Variants in SLC25A37 observed in about 807,000 individuals in gnomAD.
SLC25A37 encodes the protein solute carrier family 25 member 37.
A neutral mutation model predicts 31.0 loss-of-function variants in SLC25A37; 17 were observed. The observed-to-expected ratio is 0.55, with a 90% CI of 0.38 to 0.82. The LOEUF is 0.82. SLC25A37 is among the 40% of genes least tolerant of loss of function. SLC25A37 has a pLI of 0.00. For synonymous variants in SLC25A37, 222 were observed against 193.0 expected (o/e 1.15, Z -1.24); for missense variants, 404 against 465.8 (o/e 0.87, Z 1.22).
chr8:23,548,477 C>CT (rs143771739), intron 1 of SLC25A37, among the ~76,000 whole-genome samples: 18,849 of 115,950 alleles, frequency 0.16, 3,527 homozygotes, highest in African/African-American at 0.44. Context: ...CACGTCCGGG[C>CT]TTTTTTTTTT....
chr8:23,553,548 C>A (rs1802284774), intron 1 of SLC25A37, among the ~76,000 whole-genome samples: 1 of 152,140 alleles, frequency 6.6e-6, no homozygotes, highest in African/African-American at 2.4e-5. Context: ...CAAGGGGAGG[C>A]CCTGGGTAGT....
At chr8:23,548,137 G>A (rs953920972) in intron 1 of SLC25A37, among the ~76,000 whole-genome samples, 1 of 152,164 alleles carries the variant, frequency 6.6e-6, no homozygotes, top group Admixed American at 6.5e-5. Context: ...ATTTCGCAGT[G>A]AGAAACGGTC....
rs541261912 is a variant in SLC25A37 at position 23,529,640 on chromosome 8, C to T, written c.210+428C>T. Among the ~76,000 whole-genome samples, 28 of 152,184 alleles carry T rather than the reference C, an allele frequency of 1.8e-4. No individual in the cohort carries two copies. Among genetic ancestry groups the T allele is most frequent in the Non-Finnish European group, 3.1e-4 (21 of 68,034 alleles). On this transcript the variant is annotated intron_variant, in intron 1 of 3. Transcript: ENST00000519973. The surrounding 1 kb of genome is among the most constrained non-coding windows in gnomAD (Gnocchi z 4.1). ...CGAGGGAGCTCCCCGCAGGGGAAGC[C>T]CTCACCACGCTGGAGCTGAGAAACG...
At chr8:23,551,461 G>A (rs757140594) in intron 1 of SLC25A37, among the ~76,000 whole-genome samples, 1 of 152,060 alleles carries the variant, frequency 6.6e-6, no homozygotes, top group Non-Finnish European at 1.5e-5. Context: ...TGTGTCTAGT[G>A]AGTACAGGTG....
intron 1 of SLC25A37, among the ~76,000 whole-genome samples, chr8:23,564,817 A>G (rs1304329777): frequency 6.6e-6 from 1 of 151,958 alleles, no homozygotes; most frequent in Non-Finnish European, 1.5e-5. Context: ...CCTGTTCTCT[A>G]TCTATATCTG....
Position 23,568,360 on chromosome 8 carries a change from G to T in SLC25A37, c.478G>T (p.Val160Leu), listed in dbSNP as rs147621958. ...TATGGCCACCCTGCTCCACGATGCG[G>T]TAATGAATCCAGCAGAAGGTAATGT... is the stretch of plus-strand genomic sequence containing the variant. ...GSMATLLHDAVMNPAEVVKQR... is the reference protein window; with the variant it reads ...GSMATLLHDALMNPAEVVKQR... Residue 160 changes from valine (V) to leucine (L), a missense_variant, in exon 3 of 4, where the codon GTA (valine) becomes TTA (leucine). Val to Leu is a conservative substitution (Grantham distance 32). Transcript: ENST00000519973. The T allele has an allele frequency of 6.2e-7, 1 of 1,613,934 alleles. No homozygotes were observed. The highest frequency in any genetic ancestry group is 1.1e-5 in the South Asian group (1 of 91,086).
At chr8:23,551,872 G>A (rs1802236031) in intron 1 of SLC25A37, among the ~76,000 whole-genome samples, 1 of 152,156 alleles carries the variant, frequency 6.6e-6, no homozygotes, top group Admixed American at 6.5e-5. Flanking sequence ...GTGTTGGGGG[G>A]TACCTAGGGT....
intron 1 of SLC25A37, among the ~76,000 whole-genome samples, chr8:23,557,137 C>T (rs528316660): frequency 7.2e-5 from 11 of 152,284 alleles, no homozygotes; most frequent in East Asian, 3.9e-4. Flanking sequence ...AGGTGTGAGC[C>T]GCCACACTTG....
chr8:23,542,559 G>A (rs13262327), intron 1 of SLC25A37, among the ~76,000 whole-genome samples: 21,393 of 151,476 alleles, frequency 0.14, 1,978 homozygotes, highest in Admixed American at 0.25. Flanking sequence ...TTGTATTTTT[G>A]GTAGAGACAG....
chr8:23,569,114 A>AT (rs1802749033), intron 3 of SLC25A37: 1 of 152,542 alleles, frequency 6.6e-6, no homozygotes, highest in African/African-American at 2.4e-5. Context: ...AAATACAAAA[A>AT]TTAGCCAGGT....
chr8:23,571,311 C>T, intron 3 of SLC25A37, 24 bp from the exon 4 acceptor site: 1 of 1,523,290 alleles, frequency 6.6e-7, no homozygotes, highest in Non-Finnish European at 8.8e-7. Flanking sequence ...GTCCGTCTGG[C>T]CTGCCCCGCG....
chr8:23,541,027 G>A (rs1801881474), intron 1 of SLC25A37, among the ~76,000 whole-genome samples: 1 of 152,242 alleles, frequency 6.6e-6, no homozygotes, highest in South Asian at 2.1e-4. Flanking sequence ...CAGCTGCCTG[G>A]CCTTGGGCAC....
chr8:23,537,195 C>CAAAAAAA (rs71550712), intron 1 of SLC25A37, among the ~76,000 whole-genome samples: 1 of 117,256 alleles, frequency 8.5e-6, no homozygotes, highest in African/African-American at 3.4e-5. Flanking sequence ...GACCCTGTCT[C>CAAAAAAA]AAAAAAAAAA....
rs769954332 is a variant in SLC25A37 at position 23,571,319 on chromosome 8, G to C, written c.497-16G>C. On this transcript the variant is annotated splice_polypyrimidine_tract_variant and intron_variant, in intron 3 of 3. Coordinates refer to ENST00000519973, the MANE Select transcript of SLC25A37 (RefSeq NM_016612.4). ...ACTGGCTGTCCGTCTGGCCTGCCCCGCGGTTCCAACCACAGTGGTGAAGCA... is the reference window on the plus strand; with the variant it reads ...ACTGGCTGTCCGTCTGGCCTGCCCCCCGGTTCCAACCACAGTGGTGAAGCA... The C allele has an allele frequency of 6.5e-7, 1 of 1,539,598 alleles. No individual in the cohort carries two copies. Among genetic ancestry groups the C allele is most frequent in the East Asian group, 2.3e-5 (1 of 42,736 alleles).
At chr8:23,532,493 C>T (rs188078930) in intron 1 of SLC25A37, among the ~76,000 whole-genome samples, 10 of 152,266 alleles carry the variant, frequency 6.6e-5, no homozygotes, top group Admixed American at 5.9e-4. Flanking sequence ...AGGAGCATGC[C>T]AGGTGGGTGG....
At chr8:23,532,275 C>T (rs902564736) in intron 1 of SLC25A37, among the ~76,000 whole-genome samples, 10 of 152,278 alleles carry the variant, frequency 6.6e-5, no homozygotes, top group African/African-American at 1.7e-4. Context: ...GCTGCCCCTG[C>T]GATGACAGTG....
chr8:23,562,191 T>G (rs1414577001), intron 1 of SLC25A37, among the ~76,000 whole-genome samples: 1 of 152,192 alleles, frequency 6.6e-6, no homozygotes, highest in Admixed American at 6.5e-5. Context: ...TGTGGGGGCC[T>G]CTCCCCTGAA....
rs1462703720 is a variant in SLC25A37, at chr8:23,573,841, C to T, written c.*1986C>T. The T allele has an allele frequency of 2.2e-6, 1 of 456,756 alleles. No homozygotes were observed. Among genetic ancestry groups the T allele is most frequent in the Non-Finnish European group, 4.4e-6 (1 of 226,974 alleles). 28.3% of individuals were successfully genotyped at this position (456,756 alleles called of 1,614,324 possible). ...CTGCTCTGCCCCCCACTCCCCAAAA[C>T]CAGTTGCAGCCTCAACCCACATGGG... On this transcript the variant is annotated 3_prime_UTR_variant, in exon 4 of 4. Transcript: ENST00000519973.
chr8:23,535,126 T>C (rs1383918949), intron 1 of SLC25A37, among the ~76,000 whole-genome samples: 4 of 152,204 alleles, frequency 2.6e-5, no homozygotes, highest in African/African-American at 9.6e-5. Context: ...CTGCAGCTGC[T>C]GGGGCCTTTA....
Sources: gnomAD v4.1 joint callset for allele counts (sites outside exome capture counted in the v4.1 genomes callset) on GRCh38, gnomAD v4.1.1 for gene constraint, Gnocchi (gnomAD v3.1) non-coding constraint, MANE v1.5 for transcripts, NCBI Gene and HGNC (gene_info 2026-07-23, HGNC 2026-07-21) for gene names.